Variants in ZNF83 observed in about 807,000 individuals in gnomAD.
ZNF83 encodes zinc finger protein 816B.
For synonymous variants in ZNF83, 209 were observed against 213.0 expected (o/e 0.98, Z 0.17); for missense variants, 552 against 629.9 (o/e 0.88, Z 1.32).
At chr19:52,685,357 G>A (rs1221665278) in intron 1 of ZNF83, among the ~76,000 whole-genome samples, 1 of 152,054 alleles carries the variant, frequency 6.6e-6, no homozygotes, top group Non-Finnish European at 1.5e-5. Flanking sequence ...AAGGGCTAAC[G>A]GGAAGGGTTG....
chr19:52,665,630 G>C (rs1376391310), intron 1 of ZNF83, among the ~76,000 whole-genome samples: 3 of 152,080 alleles, frequency 2.0e-5, no homozygotes, highest in Non-Finnish European at 4.4e-5. Context: ...TCCACCCTGA[G>C]TAATTCTCCA....
rs1231423440 is a variant in ZNF83 at position 52,612,854 on chromosome 19, A to C, written c.*160T>G. On this transcript the variant is annotated 3_prime_UTR_variant, in exon 3 of 3. Transcript: ENST00000301096. ...CTTAAGACCTTGCCACATTCAGTAC[A>C]TTAGTAAAGTTTCTGTCCTCTATGG... The C allele has an allele frequency of 4.9e-6, 3 of 608,536 alleles. No individual in the cohort carries two copies. In the Admixed American group the frequency reaches 1.0e-4, roughly 21 times the overall value. The allele number at this position is 608,536 out of a possible 1,614,324, so 37.7% of individuals were successfully genotyped here. A position where few individuals can be genotyped will look rare whatever the true frequency, so the allele number is the denominator to read the frequency against.
At position 52,630,015 on chromosome 19, in the gene ZNF83, C is replaced by T. The variant is rs1449799738; in HGVS notation, c.-234+5051G>A. ...GCCTGAACCACAGTGGCCAGGCATTCCTCCAGAACCTCCTCCCCCAGGAGC... is the reference window on the plus strand; with the variant it reads ...GCCTGAACCACAGTGGCCAGGCATTTCTCCAGAACCTCCTCCCCCAGGAGC... On this transcript the variant is annotated intron_variant, in intron 2 of 2. Coordinates refer to ENST00000301096, the Ensembl canonical transcript of ZNF83. Among the ~76,000 whole-genome samples, 5 of 152,178 alleles carry T rather than the reference C, an allele frequency of 3.3e-5. No individual in the cohort carries two copies. In the East Asian group the frequency reaches 7.7e-4, roughly 23 times the overall value.
chr19:52,631,025 C>T (rs979969440), intron 2 of ZNF83, among the ~76,000 whole-genome samples: 2 of 148,162 alleles, frequency 1.3e-5, no homozygotes, highest in Non-Finnish European at 3.0e-5. Flanking sequence ...GGATCTCACA[C>T]ATGCTTTCTT....
At chr19:52,673,634 C>T (rs368981025) in intron 1 of ZNF83, among the ~76,000 whole-genome samples, 14 of 152,214 alleles carry the variant, frequency 9.2e-5, no homozygotes, top group East Asian at 7.7e-4. Flanking sequence ...AATAACGATG[C>T]AAATATTATC....
chr19:52,643,768 G>A (rs538081479), intron 3 of ZNF83, among the ~76,000 whole-genome samples: 3 of 152,272 alleles, frequency 2.0e-5, no homozygotes, highest in Admixed American at 1.3e-4. Flanking sequence ...CTTCAGATGG[G>A]GGTGGGAGGG....
chr19:52,650,680 G>A (rs1259642652), intron 3 of ZNF83: 17 of 152,148 alleles, frequency 1.1e-4, no homozygotes, highest in Admixed American at 1.1e-3. Flanking sequence ...AGGATTTAAA[G>A]CCAAAGTCTC....
At position 52,627,851 on chromosome 19, in the gene ZNF83, T is replaced by G. The variant is rs988763147; in HGVS notation, c.-234+7215A>C. 6.6e-5 allele frequency among the ~76,000 whole-genome samples: 10 copies of G among 152,054 alleles called. No homozygotes were observed. The East Asian group carries it at 1.9e-3, about 29-fold the overall frequency. On this transcript the variant is annotated intron_variant, in intron 2 of 2. Transcript: ENST00000301096. ...ATATCCCGTGACCTGCACGTACACATCCAGATGGCCAGTTCCTTCCTTAAC... is the reference window on the plus strand; with the variant it reads ...ATATCCCGTGACCTGCACGTACACAGCCAGATGGCCAGTTCCTTCCTTAAC...
intron 2 of ZNF83, among the ~76,000 whole-genome samples, chr19:52,629,813 A>AATCT (rs1393935062): frequency 2.6e-5 from 4 of 152,316 alleles, no homozygotes; most frequent in East Asian, 1.9e-4. Context: ...TTTATTACCC[A>AATCT]ATCTGCTCCC....
intron 2 of ZNF83, among the ~76,000 whole-genome samples, chr19:52,616,260 G>A (rs749341606): frequency 2.0e-5 from 3 of 152,138 alleles, no homozygotes; most frequent in Non-Finnish European, 2.9e-5. Context: ...AAATAGAGTA[G>A]GTCCACCAAT....
rs540870156 is a variant in ZNF83 at position 52,649,610 on chromosome 19, C to T, written c.-74+5951G>A. On this transcript the variant is annotated intron_variant, in intron 3 of 5. Coordinates refer to the ZNF83 transcript ENST00000594682. ...AGTGCCCTGTGCTCAGAATCTTCCC[C>T]GAGCATTTTAGATAAAACAGAAAAA... is the stretch of plus-strand genomic sequence containing the variant. Among the ~76,000 whole-genome samples, 9 of 152,068 alleles carry T rather than the reference C, an allele frequency of 5.9e-5. No homozygotes were observed. In the East Asian group the frequency reaches 1.4e-3, roughly 23 times the overall value.
chr19:52,684,426 A>G (rs186492670), intron 1 of ZNF83, among the ~76,000 whole-genome samples: 17 of 151,902 alleles, frequency 1.1e-4, no homozygotes, highest in Admixed American at 9.8e-4. Flanking sequence ...GCACACCCCT[A>G]TAATCCCAGC....
chr19:52,628,024 GAAC>G (rs746995584), intron 2 of ZNF83, among the ~76,000 whole-genome samples: 7 of 151,580 alleles, frequency 4.6e-5, no homozygotes, highest in South Asian at 2.1e-4. Context: ...GCCCACCAGA[GAAC>G]AACCCCCCTT....
chr19:52,615,052 T>C (rs189593623), intron 2 of ZNF83, among the ~76,000 whole-genome samples: 1 of 152,240 alleles, frequency 6.6e-6, no homozygotes, highest in East Asian at 1.9e-4. Flanking sequence ...ACCACTTACA[T>C]TGCAAAAATT....
intron 1 of ZNF83, among the ~76,000 whole-genome samples, chr19:52,681,724 C>T (rs977778944): frequency 2.0e-5 from 3 of 152,196 alleles, no homozygotes; most frequent in Admixed American, 2.0e-4. Context: ...AGCTTCAAAA[C>T]TAAACTGACA....
intron 3 of ZNF83, among the ~76,000 whole-genome samples, chr19:52,648,221 A>T (rs554339306): frequency 1.4e-5 from 2 of 147,620 alleles, no homozygotes; most frequent in Admixed American, 6.8e-5. Context: ...ACCATCTGTT[A>T]TGAGTCTCTC....
At chr19:52,654,549 T>C in intron 3 of ZNF83, 1 of 428,924 alleles carries the variant, frequency 2.3e-6, no homozygotes, top group Non-Finnish European at 4.0e-6. Flanking sequence ...ACACCCTGTC[T>C]CTATTAAAAA....
At chr19:52,686,503 GAAAAAA>G (rs5828522) in intron 1 of ZNF83, among the ~76,000 whole-genome samples, 1 of 143,908 alleles carries the variant, frequency 6.9e-6, no homozygotes, top group African/African-American at 2.5e-5. Context: ...AAACCAGAAA[GAAAAAA>G]AAAAAGAAAT....
intron 2 of ZNF83, chr19:52,660,728 A>G (rs1017704177): frequency 1.0e-5 from 2 of 196,298 alleles, no homozygotes; most frequent in African/African-American, 2.3e-5. Flanking sequence ...ATCAGAAAAG[A>G]GAGAGAAGAA....
Sources: allele counts gnomAD v4.1 joint callset (sites outside exome capture counted in the v4.1 genomes callset), GRCh38; gene constraint gnomAD v4.1.1; transcripts MANE v1.5; gene names NCBI Gene and HGNC (gene_info 2026-07-23, HGNC 2026-07-21).